The following C1QTNF7 variants were observed in gnomAD, a reference collection of about 807,000 sequenced individuals.
C1QTNF7 encodes complement C1q tumor necrosis factor-related protein 7.
A neutral mutation model predicts 19.6 loss-of-function variants in C1QTNF7; 15 were observed. The observed-to-expected ratio is 0.76, with a 90% CI of 0.51 to 1.18. The LOEUF is 1.18. C1QTNF7 is among the 50% of genes most tolerant of loss of function. C1QTNF7 has a pLI of 0.00. For synonymous variants in C1QTNF7, 142 were observed against 137.5 expected (o/e 1.03, Z -0.23); for missense variants, 324 against 359.7 (o/e 0.90, Z 0.80).
At chr4:15,430,602 T>C (rs1455663981) in intron 1 of C1QTNF7, among the ~76,000 whole-genome samples, 1 of 152,258 alleles carries the variant, frequency 6.6e-6, no homozygotes, top group Non-Finnish European at 1.5e-5. Context: ...TTGTACACTT[T>C]GGTAAATTTT....
Position 15,419,602 on chromosome 4 carries a change from A to T in C1QTNF7, c.14-16134A>T, listed in dbSNP as rs534292619. ...CAGTGGTATAGTTCTGAGAAATAGAACTAAATAAATAATGATTTACTCTTG... is the reference window on the plus strand; with the variant it reads ...CAGTGGTATAGTTCTGAGAAATAGATCTAAATAAATAATGATTTACTCTTG... On this transcript the variant is annotated intron_variant, in intron 1 of 2. Coordinates refer to the C1QTNF7 transcript ENST00000295297. Among the ~76,000 whole-genome samples, 34 of 152,338 alleles carry T rather than the reference A, an allele frequency of 2.2e-4. No homozygotes were observed. In the South Asian group the frequency reaches 6.8e-3, roughly 31 times the overall value.
intron 1 of C1QTNF7, among the ~76,000 whole-genome samples, chr4:15,416,229 A>G (rs28517424): frequency 0.091 from 13,889 of 152,276 alleles, 968 homozygotes; most frequent in Admixed American, 0.2. Context: ...CTAATAAGCC[A>G]TTAGAAATTA....
chr4:15,415,031 G>A (rs182483925), intron 1 of C1QTNF7, among the ~76,000 whole-genome samples: 1 of 152,298 alleles, frequency 6.6e-6, no homozygotes, highest in African/African-American at 2.4e-5. Flanking sequence ...CACTCAGACC[G>A]CTAAGATTAA....
intron 1 of C1QTNF7, among the ~76,000 whole-genome samples, chr4:15,348,181 G>C (rs187930705): frequency 6.6e-6 from 1 of 152,234 alleles, no homozygotes; most frequent in African/African-American, 2.4e-5. Context: ...TCCAGTGGGG[G>C]ATTAAAAAGA....
chr4:15,344,271 G>C (rs1192335757), intron 1 of C1QTNF7, among the ~76,000 whole-genome samples: 1 of 152,200 alleles, frequency 6.6e-6, no homozygotes, highest in Non-Finnish European at 1.5e-5. Context: ...TAATCATTTA[G>C]GTTTGTAAAC....
At chr4:15,358,418 G>A (rs1717222246) in intron 1 of C1QTNF7, 1 of 152,164 alleles carries the variant, frequency 6.6e-6, no homozygotes, top group African/African-American at 2.4e-5. Context: ...TCCCAGGGAT[G>A]AAGCTGATTT....
intron 1 of C1QTNF7, among the ~76,000 whole-genome samples, chr4:15,353,311 G>A (rs1716999090): frequency 6.6e-6 from 1 of 152,240 alleles, no homozygotes; most frequent in East Asian, 1.9e-4. Flanking sequence ...GATTCTTTAA[G>A]ATCACGTTGG....
chr4:15,426,130 T>C (rs575939585), upstream of C1QTNF7, among the ~76,000 whole-genome samples: 1 of 152,138 alleles, frequency 6.6e-6, no homozygotes, highest in Admixed American at 6.5e-5. Flanking sequence ...AGTTGAAAAG[T>C]AAATAAAGGA....
At chr4:15,410,613 A>G (rs1170161684) in intron 1 of C1QTNF7, among the ~76,000 whole-genome samples, 2 of 152,218 alleles carry the variant, frequency 1.3e-5, no homozygotes, top group Non-Finnish European at 2.9e-5. Flanking sequence ...TGCAATAAAC[A>G]TCTTTGTATG....
chr4:15,421,699 C>G (rs1311778137), intron 1 of C1QTNF7, among the ~76,000 whole-genome samples: 1 of 152,106 alleles, frequency 6.6e-6, no homozygotes, highest in East Asian at 1.9e-4. Context: ...GGCCAGTTCT[C>G]TCATTTAGAA....
intron 1 of C1QTNF7, among the ~76,000 whole-genome samples, chr4:15,409,552 T>G (rs571629198): frequency 1.4e-4 from 21 of 152,216 alleles, no homozygotes; most frequent in Non-Finnish European, 2.2e-4. Context: ...TGTACATGCA[T>G]AGCCATGGTC....
chr4:15,367,393 A>C (rs1167283910), intron 1 of C1QTNF7, among the ~76,000 whole-genome samples: 2 of 152,160 alleles, frequency 1.3e-5, no homozygotes, highest in Non-Finnish European at 2.9e-5. Context: ...CTTCCACTAC[A>C]TTTTCAGCAT....
intron 1 of C1QTNF7, among the ~76,000 whole-genome samples, chr4:15,386,675 G>A (rs1013897202): frequency 1.6e-4 from 24 of 152,142 alleles, no homozygotes; most frequent in Admixed American, 1.2e-3. Context: ...AGAGCAAGAC[G>A]ATGCTATAGA....
chr4:15,402,984 GTTT>G (rs5856299), intron 1 of C1QTNF7, among the ~76,000 whole-genome samples: 7 of 144,566 alleles, frequency 4.8e-5, no homozygotes, highest in East Asian at 2.0e-4. Flanking sequence ...GCTTTTTTCT[GTTT>G]TTTTTTTTTT....
intron 1 of C1QTNF7, among the ~76,000 whole-genome samples, chr4:15,408,023 C>T (rs1022074156): frequency 2.6e-5 from 4 of 151,994 alleles, no homozygotes; most frequent in Non-Finnish European, 5.9e-5. Context: ...AATCCCAGCA[C>T]TTTGGGAGGC....
chr4:15,409,913 T>G (rs939863828), intron 1 of C1QTNF7, among the ~76,000 whole-genome samples: 1 of 152,208 alleles, frequency 6.6e-6, no homozygotes, highest in Non-Finnish European at 1.5e-5. Flanking sequence ...TTTTCTCCAT[T>G]GTCCTTGTGC....
intron 1 of C1QTNF7, among the ~76,000 whole-genome samples, chr4:15,387,126 T>C (rs1211484211): frequency 1.3e-5 from 2 of 152,200 alleles, no homozygotes; most frequent in Non-Finnish European, 2.9e-5. Context: ...GATTTGTTAA[T>C]GTACAATTTG....
intron 2 of C1QTNF7, among the ~76,000 whole-genome samples, chr4:15,438,395 G>C (rs1046885750): frequency 1.3e-5 from 2 of 152,142 alleles, no homozygotes; most frequent in Admixed American, 6.5e-5. Flanking sequence ...ACCTGGCTGG[G>C]AGTGCCTGCT....
chr4:15,426,134 T>A (rs934125408), upstream of C1QTNF7, among the ~76,000 whole-genome samples: 1 of 151,990 alleles, frequency 6.6e-6, no homozygotes, highest in African/African-American at 2.4e-5. Flanking sequence ...GAAAAGTAAA[T>A]AAAGGATATG....
Sources: gnomAD v4.1 joint callset for allele counts (sites outside exome capture counted in the v4.1 genomes callset) on GRCh38, gnomAD v4.1.1 for gene constraint, MANE v1.5 for transcripts, NCBI Gene and HGNC (gene_info 2026-07-23, HGNC 2026-07-21) for gene names.